The following ZDHHC11 variants were observed in gnomAD, a reference collection of about 807,000 sequenced individuals.
ZDHHC11 encodes palmitoyltransferase ZDHHC11.
A neutral mutation model predicts 51.3 loss-of-function variants in ZDHHC11; 44 were observed. That is an observed-to-expected ratio of 0.86 (90% CI 0.67 to 1.10). The LOEUF is 1.10. ZDHHC11 is among the 50% of genes least tolerant of loss of function. The probability of loss-of-function intolerance (pLI) is 0.00; values close to 1 mark genes in which losing one functional copy is unlikely to be tolerated. For missense variants in ZDHHC11, 400 were observed against 537.7 expected (o/e 0.74, Z 2.53); for synonymous variants, 163 against 222.0 (o/e 0.73, Z 2.36).
At chr5:844,724 C>G (rs1442128131) in intron 3 of ZDHHC11, among the ~76,000 whole-genome samples, 1 of 152,308 alleles carries the variant, frequency 6.6e-6, no homozygotes, top group African/African-American at 2.4e-5. Flanking sequence ...AGGAGCCCGG[C>G]CACACCTCGG....
chr5:856,902 CCA>C (rs983192000), intron 1 of ZDHHC11, among the ~76,000 whole-genome samples: 5 of 150,652 alleles, frequency 3.3e-5, no homozygotes, highest in Admixed American at 2.6e-4. Context: ...ATACACCAAA[CCA>C]CACACCACAC....
chr5:820,256 C>T (rs1371465714), intron 9 of ZDHHC11, among the ~76,000 whole-genome samples: 6 of 117,442 alleles, frequency 5.1e-5, no homozygotes, highest in Non-Finnish European at 7.7e-5. Context: ...TCAAGTGCTT[C>T]GGATCTACAC....
At chr5:840,677 G>A (rs773905956) in intron 4 of ZDHHC11, 27 bp from the exon 5 acceptor site, 2 of 1,612,632 alleles carry the variant, frequency 1.2e-6, no homozygotes, top group Non-Finnish European at 1.7e-6. Flanking sequence ...GAGCCACTGT[G>A]TCCAGCACCT....
intron 8 of ZDHHC11, chr5:824,186 T>G (rs1741963266): frequency 2.4e-6 from 1 of 424,662 alleles, no homozygotes; most frequent in Admixed American, 2.6e-5. Context: ...CGGCCTGGCG[T>G]GGTGGCTCAC....
At chr5:814,630 A>G in intron 11 of ZDHHC11, 131 bp downstream of exon 11, 1 of 1,040,554 alleles carries the variant, frequency 9.6e-7, no homozygotes, top group South Asian at 2.7e-5. Flanking sequence ...TGTTCAGAGA[A>G]ACATTTCTAC....
intron 9 of ZDHHC11, among the ~76,000 whole-genome samples, 154 bp from the exon 10 acceptor site, chr5:819,766 G>A (rs1741324524): frequency 1.3e-5 from 2 of 151,300 alleles, no homozygotes; most frequent in South Asian, 2.1e-4. Context: ...GGTTGTGTGA[G>A]TGCTCCCGGG....
upstream of ZDHHC11, among the ~76,000 whole-genome samples, chr5:855,052 G>A (rs1747963976): frequency 7.0e-6 from 1 of 142,188 alleles, no homozygotes; most frequent in African/African-American, 2.8e-5. Flanking sequence ...AGGACAGCAA[G>A]CCAGGGGGAC....
chr5:805,716 T>A lies in ZDHHC11; in HGVS notation c.1182-4552A>T, dbSNP rs186725020. On this transcript the variant is annotated intron_variant, in intron 11 of 12. Transcript: ENST00000283441. ...AACATTTTATATATATATACATAGA[T>A]AGATATATTGAACTTTTTAATTAAA... Among the ~76,000 whole-genome samples the A allele has an allele frequency of 8.6e-5, 13 of 151,326 alleles. No individual in the cohort carries two copies. The East Asian group carries it at 2.5e-3, about 29-fold the overall frequency.
intron 11 of ZDHHC11, among the ~76,000 whole-genome samples, chr5:808,217 C>T (rs541055560): frequency 5.3e-5 from 8 of 151,202 alleles, no homozygotes; most frequent in East Asian, 3.9e-4. Context: ...GCCTCCCCCT[C>T]GCTGTGCAGC....
chr5:828,852 A>C (rs1742693891), intron 7 of ZDHHC11, among the ~76,000 whole-genome samples: 1 of 138,820 alleles, frequency 7.2e-6, no homozygotes, highest in South Asian at 2.3e-4. Flanking sequence ...AAAGGAACCC[A>C]TGAAATTACA....
rs1741313752 is a variant in ZDHHC11, at chr5:819,673, A to T, written c.1059-61T>A. The T allele has an allele frequency of 2.6e-6, 4 of 1,538,456 alleles. No homozygotes were observed. The African/African-American group carries it at 5.4e-5, about 21-fold the overall frequency. The stretch of plus-strand genomic sequence containing the variant: ...AGTTTTGTAGGGCGCTCAGGATGGC[A>T]CTGGAGGCTACAGTGTGTCCTGTAA... On this transcript the variant is annotated intron_variant, in intron 9 of 12. Transcript: ENST00000283441.
At chr5:804,429 T>A (rs1738951354) in intron 11 of ZDHHC11, among the ~76,000 whole-genome samples, 1 of 151,216 alleles carries the variant, frequency 6.6e-6, no homozygotes, top group African/African-American at 2.4e-5. Context: ...AGGAGACTAC[T>A]CTATTTAAAG....
chr5:844,473 A>G (rs1363765441), intron 3 of ZDHHC11, among the ~76,000 whole-genome samples: 2 of 152,238 alleles, frequency 1.3e-5, no homozygotes, highest in Non-Finnish European at 2.9e-5. Context: ...CTCTGCCCGC[A>G]CCTCCCGACT....
chr5:801,535 C>T (rs879497437), intron 11 of ZDHHC11, among the ~76,000 whole-genome samples: 8 of 151,632 alleles, frequency 5.3e-5, no homozygotes, highest in Admixed American at 4.6e-4. Context: ...TCTCACAACT[C>T]TTGCTTGATT....
Position 824,662 on chromosome 5 carries a change from C to T in ZDHHC11, c.1023+502G>A, listed in dbSNP as rs1191083881. 8.8e-5 allele frequency among the ~76,000 whole-genome samples: 13 copies of T among 147,234 alleles called. 1 individual carries two copies. The highest frequency in any genetic ancestry group is 2.9e-4 in the African/African-American group (11 of 37,466). On this transcript the variant is annotated intron_variant, in intron 8 of 12. Coordinates refer to ENST00000283441, the MANE Select transcript of ZDHHC11 (RefSeq NM_024786.3). ...CACAAAACCACACACATAACCACAC[C>T]CCCCCACATATGTGCAACCACACAC...
upstream of ZDHHC11, among the ~76,000 whole-genome samples, chr5:852,890 G>T: frequency 6.7e-6 from 1 of 150,280 alleles, no homozygotes; most frequent in South Asian, 2.1e-4. Context: ...CCCCACGGAG[G>T]ACAGTGAGCA....
At chr5:854,989 CCA>C (rs1747947688), upstream of ZDHHC11, among the ~76,000 whole-genome samples, 1 of 148,058 alleles carries the variant, frequency 6.8e-6, no homozygotes, top group African/African-American at 2.5e-5. Flanking sequence ...GGACAGCGAG[CCA>C]GGGGGACAGA....
chr5:833,687 A>T, intron 7 of ZDHHC11, 86 bp downstream of exon 7: 2 of 710,958 alleles, frequency 2.8e-6, no homozygotes, highest in Non-Finnish European at 4.7e-6. Context: ...TCATAGGTGA[A>T]TTATTTTCCA....
At chr5:815,513 G>A (rs1221715965) in intron 10 of ZDHHC11, among the ~76,000 whole-genome samples, 1 of 151,590 alleles carries the variant, frequency 6.6e-6, no homozygotes, top group Non-Finnish European at 1.5e-5. Flanking sequence ...AGCAATACAT[G>A]AGACTTCCAG....
Sources: allele counts gnomAD v4.1 joint callset (sites outside exome capture counted in the v4.1 genomes callset), GRCh38; gene constraint gnomAD v4.1.1; transcripts MANE v1.5; gene names NCBI Gene and HGNC (gene_info 2026-07-23, HGNC 2026-07-21).